FAM204A: variants seen among roughly 807,000 people sequenced by gnomAD.
FAM204A encodes the protein family with sequence similarity 204 member A, also known as protein FAM204A.
Under a neutral mutation model 35.4 loss-of-function variants are expected in FAM204A, and 16 were observed. The ratio of observed to expected loss-of-function variants is 0.45; its 90% confidence interval spans 0.31 to 0.69. FAM204A has a LOEUF of 0.69. Among genes scored for constraint, FAM204A ranks in the 30% least tolerant of loss-of-function variants. FAM204A has a pLI of 0.07. For missense variants in FAM204A, 240 were observed against 265.7 expected (o/e 0.90, Z 0.67); for synonymous variants, 76 against 86.9 (o/e 0.88, Z 0.70).
At chr10:118,321,525 G>A (rs1846115106) in intron 7 of FAM204A, among the ~76,000 whole-genome samples, 1 of 151,386 alleles carries the variant, frequency 6.6e-6, no homozygotes. Flanking sequence ...TATTTTACCA[G>A]AAAAAAACAT....
intron 6 of FAM204A, among the ~76,000 whole-genome samples, chr10:118,328,228 C>A (rs1846229815): frequency 6.6e-6 from 1 of 152,174 alleles, no homozygotes; most frequent in African/African-American, 2.4e-5. Context: ...CTACCTAATT[C>A]ATCTGCTTTG....
intron 7 of FAM204A, among the ~76,000 whole-genome samples, chr10:118,315,477 A>G (rs1476818667): frequency 1.3e-5 from 2 of 152,334 alleles, no homozygotes; most frequent in Admixed American, 1.3e-4. Flanking sequence ...ATTTAAAAAT[A>G]CCAATTATCA....
rs999074628 is a variant in FAM204A at position 118,300,700 on chromosome 10, T to G, written c.*10157A>C. 1 of 152,158 alleles carries G rather than the reference T, an allele frequency of 6.6e-6. No individual in the cohort carries two copies. The highest frequency in any genetic ancestry group is 2.4e-5 in the African/African-American group (1 of 41,410). The allele number at this position is 152,158 out of a possible 1,614,324, so 9.4% of individuals were successfully genotyped here. ...CCTATAGGAGCTTAGCCCTGGGGAA[T>G]TCTTTGGGCAGAATCCAGGGACATA... is the stretch of plus-strand genomic sequence containing the variant. On this transcript the variant is annotated 3_prime_UTR_variant, in exon 9 of 9. Coordinates refer to ENST00000369183, the MANE Select transcript of FAM204A (RefSeq NM_022063.3).
chr10:118,310,478 G>GCTT lies in FAM204A; in HGVS notation c.*378_*379insAAG, dbSNP rs1845933030. The GCTT allele has an allele frequency of 1.1e-5, 2 of 183,668 alleles. No individual in the cohort carries two copies. The highest frequency in any genetic ancestry group is 1.3e-4 in the Admixed American group (2 of 15,668). The allele number at this position is 183,668 out of a possible 1,614,324, so 11.4% of individuals were successfully genotyped here. A position where few individuals can be genotyped will look rare whatever the true frequency, so the allele number is the denominator to read the frequency against. ...CTAGCCTGGGTGACAGAGCAAGCGA[G>GCTT]GCTCTGTCTCAAAAAAAAAAAAAAA... On this transcript the variant is annotated 3_prime_UTR_variant, in exon 9 of 9. Coordinates refer to ENST00000369183, the MANE Select transcript of FAM204A (RefSeq NM_022063.3).
intron 6 of FAM204A, among the ~76,000 whole-genome samples, chr10:118,328,407 C>A (rs1417137605): frequency 6.6e-6 from 1 of 151,992 alleles, no homozygotes; most frequent in African/African-American, 2.4e-5. Context: ...TGGAAACTTG[C>A]TGGAAATGCA....
chr10:118,338,402 T>A (rs1394638842), intron 2 of FAM204A, among the ~76,000 whole-genome samples: 1 of 152,242 alleles, frequency 6.6e-6, no homozygotes, highest in African/African-American at 2.4e-5. Context: ...CCAGTATGAC[T>A]TGGCCACCGC....
chr10:118,332,086 G>C (rs853912), intron 6 of FAM204A, among the ~76,000 whole-genome samples: 148,003 of 148,762 alleles, frequency 0.99, 73,627 homozygotes, highest in Middle Eastern at 1. Context: ...GTAGAAGAAT[G>C]GTTTGCACCT....
intron 7 of FAM204A, among the ~76,000 whole-genome samples, chr10:118,313,453 G>A (rs1047807694): frequency 2.6e-5 from 4 of 152,132 alleles, no homozygotes; most frequent in Non-Finnish European, 4.4e-5. Flanking sequence ...ACGTGGCTCC[G>A]AAACAAGGGG....
chr10:118,305,887 T>C lies in FAM204A; in HGVS notation c.*4970A>G, dbSNP rs1845858910. 3 of 152,228 alleles carry C rather than the reference T, an allele frequency of 2.0e-5. No homozygotes were observed. Among genetic ancestry groups the C allele is most frequent in the Admixed American group, 1.3e-4 (2 of 15,292 alleles). 9.4% of individuals were successfully genotyped at this position (152,228 alleles called of 1,614,324 possible). ...TCATAATTACTTCTAGTATCACCCA[T>C]CTTACAAATGAAAACACTTTTTATT... On this transcript the variant is annotated 3_prime_UTR_variant, in exon 9 of 9. Coordinates refer to ENST00000369183, the MANE Select transcript of FAM204A (RefSeq NM_022063.3).
At chr10:118,328,200 C>T (rs1185763106) in intron 6 of FAM204A, among the ~76,000 whole-genome samples, 2 of 152,166 alleles carry the variant, frequency 1.3e-5, no homozygotes, top group East Asian at 1.9e-4. Flanking sequence ...ACAATTCTTC[C>T]ACTCACCCCA....
In FAM204A at chr10:118,306,462, A is replaced by C. The variant is rs1393108420; in HGVS notation, c.*4395T>G. 2 of 152,260 alleles carry C rather than the reference A, an allele frequency of 1.3e-5. No individual in the cohort carries two copies. Among genetic ancestry groups the C allele is most frequent in the Non-Finnish European group, 2.9e-5 (2 of 68,040 alleles). 9.4% of individuals were successfully genotyped at this position (152,260 alleles called of 1,614,324 possible). A position where few individuals can be genotyped will look rare whatever the true frequency, so the allele number is the denominator to read the frequency against. On this transcript the variant is annotated 3_prime_UTR_variant, in exon 9 of 9. Transcript: ENST00000369183. ...AAACAAACTTTACTTGAATCTAAAA[A>C]TGAGTTACTACTACTACTAATAAAA... is the stretch of plus-strand genomic sequence containing the variant.
intron 2 of FAM204A, among the ~76,000 whole-genome samples, chr10:118,336,859 C>A (rs889457839): frequency 1.3e-4 from 20 of 152,082 alleles, no homozygotes; most frequent in African/African-American, 4.6e-4. Flanking sequence ...GCATGTTTCA[C>A]CTATATTTAA....
At chr10:118,332,064 C>G (rs1461188462) in intron 6 of FAM204A, among the ~76,000 whole-genome samples, 1 of 146,870 alleles carries the variant, frequency 6.8e-6, no homozygotes, top group South Asian at 2.2e-4. Context: ...GTCCCAGCTA[C>G]AGGAAGCTGA....
At chr10:118,331,058 C>T (rs953341798) in intron 6 of FAM204A, among the ~76,000 whole-genome samples, 1 of 152,116 alleles carries the variant, frequency 6.6e-6, no homozygotes, top group Non-Finnish European at 1.5e-5. Flanking sequence ...TATCAGGATA[C>T]CATTATTGCA....
Position 118,303,349 on chromosome 10 carries a change from GAACAAT to G in FAM204A, c.*7502_*7507del, listed in dbSNP as rs899389569. ...TCAAAGTGTTTTTAAAAAATTTACA[GAACAAT>G]AACAGTACTTCTAAGGCTTATATTC... On this transcript the variant is annotated 3_prime_UTR_variant, in exon 9 of 9. Transcript: ENST00000369183. 3.5e-4 allele frequency: 54 copies of G among 152,248 alleles called. No homozygotes were observed. The highest frequency in any genetic ancestry group is 1.3e-3 in the African/African-American group (53 of 41,532). 9.4% of individuals were successfully genotyped at this position (152,248 alleles called of 1,614,324 possible). A position where few individuals can be genotyped will look rare whatever the true frequency, so the allele number is the denominator to read the frequency against.
intron 6 of FAM204A, among the ~76,000 whole-genome samples, chr10:118,327,275 C>T (rs951209321): frequency 6.6e-6 from 1 of 152,096 alleles, no homozygotes; most frequent in African/African-American, 2.4e-5. Flanking sequence ...GAATTTTGTT[C>T]CTGTGTAGCC....
rs149664047 is a variant in FAM204A, at chr10:118,311,393, A to G, written c.544-80T>C. 3,383 of 1,141,356 alleles carry G rather than the reference A, an allele frequency of 3.0e-3. 23 individuals carry two copies. In the Middle Eastern group the frequency reaches 0.03, roughly 10 times the overall value. The allele number at this position is 1,141,356 out of a possible 1,614,324, so 70.7% of individuals were successfully genotyped here. ...GTAATTACACTTATACAAATAATTG[A>G]GAACTTGTGGGTAAGAAAGCCATGT... On this transcript the variant is annotated intron_variant, in intron 7 of 8. Coordinates refer to ENST00000369183, the MANE Select transcript of FAM204A (RefSeq NM_022063.3).
rs182031447 is a variant in FAM204A, at chr10:118,334,284, A to G, written c.453+830T>C. ...TTCTCTTCGTAACATCACTATCCAC[A>G]CCACTGCTTAAGCCAAAGCTTTGAA... is the stretch of plus-strand genomic sequence containing the variant. On this transcript the variant is annotated intron_variant, in intron 6 of 8. Transcript: ENST00000369183. Among the ~76,000 whole-genome samples the G allele has an allele frequency of 1.8e-4, 27 of 152,076 alleles. 1 individual carries two copies. The East Asian group carries it at 4.9e-3, about 27-fold the overall frequency.
At chr10:118,335,235 T>C (rs1221701194) in intron 5 of FAM204A, 22 bp from the exon 6 acceptor site, 6 of 1,601,550 alleles carry the variant, frequency 3.7e-6, no homozygotes, top group South Asian at 1.1e-5. Flanking sequence ...TAGTAAGTTT[T>C]GTTTTATACA....
Sources: gnomAD v4.1 joint callset for allele counts (sites outside exome capture counted in the v4.1 genomes callset) on GRCh38, gnomAD v4.1.1 for gene constraint, MANE v1.5 for transcripts, NCBI Gene and HGNC (gene_info 2026-07-23, HGNC 2026-07-21) for gene names.